Variants in PJA2 observed in about 807,000 individuals in gnomAD.
PJA2 encodes E3 ubiquitin-protein ligase Praja-2.
A neutral mutation model predicts 69.3 loss-of-function variants in PJA2; 25 were observed. That is an observed-to-expected ratio of 0.36 (90% confidence interval 0.26 to 0.50). The LOEUF is 0.50. Ranked by LOEUF, PJA2 falls within the 20% of genes least tolerant of loss-of-function variation. The probability of loss-of-function intolerance (pLI) is 0.96; values close to 1 mark genes in which losing one functional copy is unlikely to be tolerated. For missense variants in PJA2, 809 were observed against 830.2 expected (o/e 0.97, Z 0.31); for synonymous variants, 308 against 277.8 (o/e 1.11, Z -1.08).
chr5:109,334,941 C>T lies in PJA2; in HGVS notation c.*2290G>A, dbSNP rs982157191. ...CACAAAGAATACCACATAGATCTAC[C>T]TTTAAATATCAGCATTCATATTATA... On this transcript the variant is annotated 3_prime_UTR_variant, in exon 10 of 10. Coordinates refer to ENST00000361189, the MANE Select transcript of PJA2 (RefSeq NM_014819.5). 6.6e-6 allele frequency: 1 copy of T among 152,374 alleles called. No individual in the cohort carries two copies. Among genetic ancestry groups the T allele is most frequent in the Non-Finnish European group, 1.5e-5 (1 of 67,986 alleles). 9.4% of individuals were successfully genotyped at this position (152,374 alleles called of 1,614,324 possible). A position where few individuals can be genotyped will look rare whatever the true frequency, so the allele number is the denominator to read the frequency against.
Position 109,378,523 on chromosome 5 carries a change from T to C in PJA2, c.964A>G (p.Ile322Val), listed in dbSNP as rs201802921. The C allele has an allele frequency of 1.3e-4, 202 of 1,614,202 alleles. No homozygotes were observed. Among genetic ancestry groups the C allele is most frequent in the African/African-American group, 1.2e-4 (9 of 75,062 alleles). The change falls in exon 4 of 10, where the codon ATA (isoleucine) becomes GTA (valine). Residue 322 changes from isoleucine (I) to valine (V), a missense_variant. Transcript: ENST00000361189. ...QVVRPKVRKL[I>V]SSSQVDQETG... is the part of the protein sequence containing the mutation. ...TCTTGGTCCACCTGGCTTGAACTTA[T>C]CAGTTTTCTAACTTTTGGCCTCACT...
chr5:109,384,759 TATAAAA>T (rs1042099111), intron 1 of PJA2, among the ~76,000 whole-genome samples: 1 of 152,036 alleles, frequency 6.6e-6, no homozygotes, highest in Non-Finnish European at 1.5e-5. Context: ...AGAAAAGGAA[TATAAAA>T]ATAATAATAA....
intron 7 of PJA2, 90 bp from the exon 8 acceptor site, chr5:109,344,909 C>A: frequency 1.3e-6 from 1 of 762,296 alleles, no homozygotes; most frequent in Non-Finnish European, 2.2e-6. Flanking sequence ...ATTATATCAC[C>A]ATTATTCTCT....
Position 109,336,564 on chromosome 5 carries a change from T to C in PJA2, c.*667A>G, listed in dbSNP as rs1761948777. On this transcript the variant is annotated 3_prime_UTR_variant, in exon 10 of 10. Coordinates refer to ENST00000361189, the MANE Select transcript of PJA2 (RefSeq NM_014819.5). ...AGATTCTTTGTATGCTTTACTAACC[T>C]TACGTTAAGCACATCCACTGGTTTC... The C allele has an allele frequency of 6.6e-6, 1 of 152,150 alleles. No homozygotes were observed. Among genetic ancestry groups the C allele is most frequent in the South Asian group, 2.1e-4 (1 of 4,826 alleles). The allele number at this position is 152,150 out of a possible 1,614,324, so 9.4% of individuals were successfully genotyped here.
chr5:109,345,197 A>C (rs1016320542), intron 7 of PJA2, among the ~76,000 whole-genome samples: 25 of 151,476 alleles, frequency 1.7e-4, no homozygotes, highest in African/African-American at 3.4e-4. Context: ...AAAAAAAAAA[A>C]AAAACAAAAT....
At chr5:109,355,634 C>T (rs927130745) in intron 7 of PJA2, among the ~76,000 whole-genome samples, 3 of 152,126 alleles carry the variant, frequency 2.0e-5, no homozygotes, top group Non-Finnish European at 2.9e-5. Flanking sequence ...CACTCTCATA[C>T]TTGTATAATT....
intron 8 of PJA2, 44 bp downstream of exon 8, chr5:109,344,661 T>G: frequency 7.9e-7 from 1 of 1,270,908 alleles, no homozygotes; most frequent in Admixed American, 1.8e-5. Flanking sequence ...TATACTTAAA[T>G]GTACAATGTG....
chr5:109,380,036 G>A, intron 3 of PJA2, among the ~76,000 whole-genome samples: 1 of 151,278 alleles, frequency 6.6e-6, no homozygotes. Flanking sequence ...ACTGAAGTTC[G>A]GCCATGATAT....
At chr5:109,364,934 T>C (rs1485772161) in intron 5 of PJA2, among the ~76,000 whole-genome samples, 1 of 152,156 alleles carries the variant, frequency 6.6e-6, no homozygotes, top group African/African-American at 2.4e-5. Context: ...ACAACTGAAA[T>C]ATGTTTCAAC....
At chr5:109,389,290 G>A (rs1747231475) in intron 1 of PJA2, among the ~76,000 whole-genome samples, 2 of 152,066 alleles carry the variant, frequency 1.3e-5, no homozygotes, top group East Asian at 1.9e-4. Flanking sequence ...GATTTTCTTT[G>A]TGGAAAGGTT....
At chr5:109,354,422 CTAT>C (rs1561346286) in intron 7 of PJA2, among the ~76,000 whole-genome samples, 3 of 141,226 alleles carry the variant, frequency 2.1e-5, no homozygotes, top group Non-Finnish European at 4.5e-5. Context: ...GATTAGATAT[CTAT>C]GATATCTAGA....
chr5:109,399,126 G>A (rs577613515), intron 1 of PJA2, among the ~76,000 whole-genome samples: 2 of 150,282 alleles, frequency 1.3e-5, no homozygotes, highest in South Asian at 2.1e-4. Flanking sequence ...CAGAAGAATC[G>A]CTTTAACCTG....
chr5:109,341,309 A>T (rs1762052140), intron 9 of PJA2, among the ~76,000 whole-genome samples: 1 of 149,306 alleles, frequency 6.7e-6, no homozygotes, highest in Non-Finnish European at 1.5e-5. Context: ...CTGGGATGTG[A>T]GGAGCGCCTC....
At chr5:109,405,796 TAA>T (rs1015505127) in intron 1 of PJA2, among the ~76,000 whole-genome samples, 3 of 152,090 alleles carry the variant, frequency 2.0e-5, no homozygotes, top group Admixed American at 6.6e-5. Flanking sequence ...AGAAAAATCC[TAA>T]GAGTAAATCT....
intron 7 of PJA2, among the ~76,000 whole-genome samples, chr5:109,354,296 A>G (rs200983732): frequency 0.25 from 21,658 of 86,540 alleles, 3,595 homozygotes; most frequent in African/African-American, 0.56. Context: ...TATCTATGAT[A>G]TCTAGAGATA....
intron 1 of PJA2, among the ~76,000 whole-genome samples, chr5:109,391,871 A>G (rs1346734386): frequency 6.6e-6 from 1 of 152,234 alleles, no homozygotes; most frequent in African/African-American, 2.4e-5. Flanking sequence ...ATCGTTTACA[A>G]GAGCAACTAT....
intron 1 of PJA2, among the ~76,000 whole-genome samples, chr5:109,405,641 G>C (rs1309829252): frequency 1.3e-5 from 2 of 152,156 alleles, no homozygotes. Flanking sequence ...AATGGGGAAA[G>C]GAAAGTAGTC....
At chr5:109,342,115 C>G (rs1464254451) in intron 9 of PJA2, among the ~76,000 whole-genome samples, 1 of 129,006 alleles carries the variant, frequency 7.8e-6, no homozygotes. Context: ...GTCGGCCCCC[C>G]GCCCGGCCAG....
chr5:109,339,400 T>C (rs1028896603), intron 9 of PJA2, among the ~76,000 whole-genome samples: 4 of 152,148 alleles, frequency 2.6e-5, no homozygotes, highest in Non-Finnish European at 5.9e-5. Context: ...ACATAACCTA[T>C]GCATGTAACA....
Sources: allele counts gnomAD v4.1 joint callset (sites outside exome capture counted in the v4.1 genomes callset), GRCh38; gene constraint gnomAD v4.1.1; transcripts MANE v1.5; gene names NCBI Gene and HGNC (gene_info 2026-07-23, HGNC 2026-07-21).